Variants in HADHA observed in about 807,000 individuals in gnomAD.
HADHA encodes the protein hydroxyacyl-CoA dehydrogenase trifunctional multienzyme complex subunit alpha.
A neutral mutation model predicts 91.3 loss-of-function variants in HADHA; 59 were observed. That is an observed-to-expected ratio of 0.65 (90% CI 0.52 to 0.80). HADHA has a LOEUF of 0.80. Among genes scored for constraint, HADHA ranks in the 30% least tolerant of loss-of-function variants. The probability of loss-of-function intolerance (pLI) is 0.00; values close to 1 mark genes in which losing one functional copy is unlikely to be tolerated. For missense variants in HADHA, 800 were observed against 927.6 expected, an observed-to-expected ratio of 0.86 and a Z score of 1.79; for synonymous variants, 320 against 338.9, an observed-to-expected ratio of 0.94 and a Z score of 0.61.
chr2:26,230,726 C>T (rs1425815320), intron 6 of HADHA, among the ~76,000 whole-genome samples: 1 of 151,926 alleles, frequency 6.6e-6, no homozygotes, highest in East Asian at 1.9e-4. Context: ...TTGAGACCAG[C>T]CTGGCCCGAC....
chr2:26,197,713 G>T lies in HADHA; in HGVS notation c.1457C>A (p.Ala486Asp). ...TSALPISEIA[A>D]VSKRPEKVIG... ...TACCTTCTCAGGTCTTTTGCTGACA[G>T]CAGCGATTTCACTGATTGGGAGAGC... The change falls in exon 14 of 20, where the codon GCT becomes GAT. Residue 486 changes from alanine (A) to aspartate (D), a missense_variant. By Grantham distance (126) the Ala-to-Asp change is moderately radical. Coordinates refer to ENST00000380649, the MANE Select transcript of HADHA (RefSeq NM_000182.5). 6.6e-7 allele frequency: 1 copy of T among 1,515,596 alleles called. No individual in the cohort carries two copies. The highest frequency in any genetic ancestry group is 9.2e-7 in the Non-Finnish European group (1 of 1,089,814). The allele number at this position is 1,515,596 out of a possible 1,614,324, so 93.9% of individuals were successfully genotyped here. A position where few individuals can be genotyped will look rare whatever the true frequency, so the allele number is the denominator to read the frequency against.
At chr2:26,232,097 T>C in intron 6 of HADHA, 63 bp downstream of exon 6, 1 of 1,242,456 alleles carries the variant, frequency 8.0e-7, no homozygotes, top group Non-Finnish European at 1.2e-6. Flanking sequence ...ATATTATGCA[T>C]TTTATACAAG....
At position 26,229,625 on chromosome 2, in the gene HADHA, T is replaced by C. The variant is rs762968849; in HGVS notation, c.676+567A>G. Among the ~76,000 whole-genome samples, 12 of 152,338 alleles carry C rather than the reference T, an allele frequency of 7.9e-5. No individual in the cohort carries two copies. Among genetic ancestry groups the C allele is most frequent in the South Asian group, 2.1e-4 (1 of 4,828 alleles). ...AAGGAAGGTTATGCATGGATAATGA[T>C]ACAGGTAATTTAAGAACCAAAAATA... On this transcript the variant is annotated intron_variant, in intron 7 of 19. Transcript: ENST00000380649. This position sits in a 1 kb window ranked among gnomAD's most constrained non-coding sequence, Gnocchi z 4.3.
chr2:26,201,983 T>G (rs1369671059), intron 12 of HADHA, among the ~76,000 whole-genome samples: 1 of 146,636 alleles, frequency 6.8e-6, no homozygotes, highest in East Asian at 2.0e-4. Context: ...TTTTTTTTAG[T>G]AGAGATGGGG....
rs1302357043 is a variant in HADHA, at chr2:26,229,014, T to C, written c.676+1178A>G. 1.3e-5 allele frequency among the ~76,000 whole-genome samples: 2 copies of C among 152,100 alleles called. No homozygotes were observed. The highest frequency in any genetic ancestry group is 2.9e-5 in the Non-Finnish European group (2 of 68,036). On this transcript the variant is annotated intron_variant, in intron 7 of 19. Coordinates refer to ENST00000380649, the MANE Select transcript of HADHA (RefSeq NM_000182.5). This position sits in a 1 kb window ranked among gnomAD's most constrained non-coding sequence, Gnocchi z 4.3. ...TTGTGGCAGTGTTTACACAGCTATATACATTTTCAAAACTCAAATTATACA... is the reference window on the plus strand; with the variant it reads ...TTGTGGCAGTGTTTACACAGCTATACACATTTTCAAAACTCAAATTATACA...
rs5830004 is a variant in HADHA at position 26,229,348 on chromosome 2, G to GCACACACACACACACACACACA, written c.676+822_676+843dup. Among the ~76,000 whole-genome samples the GCACACACACACACACACACACA allele has an allele frequency of 4.7e-5, 7 of 147,520 alleles. No individual in the cohort carries two copies. Among genetic ancestry groups the GCACACACACACACACACACACA allele is most frequent in the African/African-American group, 1.8e-4 (7 of 39,538 alleles). ...GTGAGACCCCAACATGTGTGCGCGC[G>GCACACACACACACACACACACA]CACACACACACACACACACACACAC... On this transcript the variant is annotated intron_variant, in intron 7 of 19. Coordinates refer to ENST00000380649, the MANE Select transcript of HADHA (RefSeq NM_000182.5). This position sits in a 1 kb window ranked among gnomAD's most constrained non-coding sequence, Gnocchi z 4.3.
chr2:26,236,199 A>C (rs1264472397), intron 4 of HADHA, among the ~76,000 whole-genome samples: 1 of 152,050 alleles, frequency 6.6e-6, no homozygotes, highest in Non-Finnish European at 1.5e-5. Flanking sequence ...TATTGTGTGA[A>C]TAGTCCACAT....
At position 26,191,292 on chromosome 2, in the gene HADHA, T is replaced by C; in HGVS notation, c.2250A>G (p.Leu750=). ...YGKQFTPCQL[L]ADHANSPNKK... ...TGTTAGGGCTGTTAGCATGGTCAGC[T>C]AGCAGCTGGCATGGGGTGAACTGTT... Residue 750 remains leucine, a synonymous_variant, in exon 20 of 20, where the codon CTA becomes CTG. Coordinates refer to ENST00000380649, the MANE Select transcript of HADHA (RefSeq NM_000182.5). 1 of 1,613,380 alleles carries C rather than the reference T, an allele frequency of 6.2e-7. No individual in the cohort carries two copies. Among genetic ancestry groups the C allele is most frequent in the African/African-American group, 1.3e-5 (1 of 75,020 alleles).
intron 13 of HADHA, among the ~76,000 whole-genome samples, chr2:26,198,528 A>C (rs1669743399): frequency 6.6e-6 from 1 of 152,056 alleles, no homozygotes; most frequent in African/African-American, 2.4e-5. Flanking sequence ...CACCTGTCAA[A>C]TGTGTGCAAA....
intron 9 of HADHA, among the ~76,000 whole-genome samples, 159 bp from the exon 10 acceptor site, chr2:26,212,785 G>A (rs769146907): frequency 6.6e-5 from 10 of 152,186 alleles, no homozygotes; most frequent in Non-Finnish European, 1.3e-4. Flanking sequence ...GGCTGCTCTC[G>A]ACTGACTTAA....
intron 10 of HADHA, among the ~76,000 whole-genome samples, chr2:26,211,023 C>T (rs1670087486): frequency 6.6e-6 from 1 of 152,154 alleles, no homozygotes; most frequent in East Asian, 1.9e-4. Flanking sequence ...AATGACAACA[C>T]AATCAATGCT....
chr2:26,226,839 T>C (rs1053888376), intron 7 of HADHA, among the ~76,000 whole-genome samples: 12 of 152,072 alleles, frequency 7.9e-5, no homozygotes. Flanking sequence ...ATGTAAGAGC[T>C]AAAACTAGAA....
intron 16 of HADHA, 133 bp downstream of exon 16, chr2:26,194,437 A>C (rs1669604087): frequency 4.1e-6 from 3 of 727,798 alleles, no homozygotes. Flanking sequence ...GAGAGAGGGC[A>C]CCAGGGACCT....
chr2:26,230,868 C>T (rs1670605666), intron 6 of HADHA, among the ~76,000 whole-genome samples: 2 of 152,014 alleles, frequency 1.3e-5, no homozygotes, highest in Non-Finnish European at 2.9e-5. Flanking sequence ...TTGCAGTGAG[C>T]CGAGATCATG....
intron 15 of HADHA, 49 bp from the exon 16 acceptor site, chr2:26,194,687 G>C (rs1022096545): frequency 8.7e-7 from 1 of 1,155,334 alleles, no homozygotes; most frequent in Non-Finnish European, 1.3e-6. Flanking sequence ...CTGGGACTGA[G>C]TCTGAAACAC....
In HADHA at chr2:26,193,598, T is replaced by C; in HGVS notation, c.1864A>G (p.Met622Val). The C allele has an allele frequency of 6.2e-7, 1 of 1,613,650 alleles. No homozygotes were observed. The highest frequency in any genetic ancestry group is 1.7e-4 in the Middle Eastern group (1 of 6,056). ...TCACCTAGGAAGCCCTTGGACACCA[T>C]CTGTGTCAGCAGTTCTGGGTTTCCA... is the stretch of plus-strand genomic sequence containing the variant. Reference protein sequence around the residue: ...GGGNPELLTQMVSKGFLGRKS... With the variant: ...GGGNPELLTQVVSKGFLGRKS... The change falls in exon 17 of 20, where the codon ATG (methionine) becomes GTG (valine). Residue 622 changes from methionine (M) to valine (V), a missense_variant. Transcript: ENST00000380649.
chr2:26,195,259 G>C, intron 14 of HADHA, 27 bp from the exon 15 acceptor site: 2 of 1,603,662 alleles, frequency 1.2e-6, no homozygotes, highest in South Asian at 1.1e-5. Context: ...AAAGCCAACA[G>C]ATCGGAGAAT....
intron 9 of HADHA, among the ~76,000 whole-genome samples, chr2:26,213,183 T>C (rs1390077483): frequency 5.3e-5 from 8 of 152,220 alleles, no homozygotes; most frequent in Non-Finnish European, 1.2e-4. Flanking sequence ...TTTCCCAAAA[T>C]ATCTGAACTC....
At chr2:26,199,728 C>T (rs1369612011) in intron 13 of HADHA, among the ~76,000 whole-genome samples, 1 of 152,066 alleles carries the variant, frequency 6.6e-6, no homozygotes, top group Non-Finnish European at 1.5e-5. Flanking sequence ...AATTATTTAT[C>T]TTTTTTTCTT....
Sources: gnomAD v4.1 joint callset for allele counts (sites outside exome capture counted in the v4.1 genomes callset) on GRCh38, gnomAD v4.1.1 for gene constraint, Gnocchi (gnomAD v3.1) non-coding constraint, MANE v1.5 for transcripts, NCBI Gene and HGNC (gene_info 2026-07-23, HGNC 2026-07-21) for gene names.